RIPOR3: variants seen among roughly 807,000 people sequenced by gnomAD.
RIPOR3 encodes family with sequence similarity 65 member C.
RIPOR3 carries 95 observed loss-of-function variants against 114.3 expected under a neutral mutation model. That is an observed-to-expected ratio of 0.83 (90% CI 0.70 to 0.99). RIPOR3 has a LOEUF of 0.99. Among genes scored for constraint, RIPOR3 ranks in the 50% least tolerant of loss-of-function variants. The pLI is 0.00. For missense variants in RIPOR3, 1,252 were observed against 1,266.9 expected (o/e 0.99, Z 0.18); for synonymous variants, 575 against 543.8 (o/e 1.06, Z -0.80).
At chr20:50,654,174 CT>C (rs1026195745) in intron 1 of RIPOR3, among the ~76,000 whole-genome samples, 4 of 150,632 alleles carry the variant, frequency 2.7e-5, no homozygotes, top group Admixed American at 6.6e-5. Context: ...TTTTTCTTTC[CT>C]TTTTTTTTGA....
chr20:50,606,727 CTTTT>C (rs55820806), intron 11 of RIPOR3, among the ~76,000 whole-genome samples: 1 of 147,464 alleles, frequency 6.8e-6, no homozygotes, highest in Admixed American at 6.7e-5. Context: ...GCTTTCTTGC[CTTTT>C]TTTTTTTTCT....
chr20:50,608,315 A>G, intron 11 of RIPOR3, 74 bp downstream of exon 11: 1 of 1,593,388 alleles, frequency 6.3e-7, no homozygotes, highest in South Asian at 1.1e-5. Flanking sequence ...GCAGGAACCC[A>G]GGGCCAGAGT....
intron 4 of RIPOR3, 96 bp from the exon 5 acceptor site, chr20:50,611,300 A>G: frequency 6.5e-7 from 1 of 1,539,492 alleles, no homozygotes. Context: ...CTGAGCTCAG[A>G]GTCAGAGGAC....
chr20:50,651,495 A>C (rs1355681947), intron 1 of RIPOR3, among the ~76,000 whole-genome samples: 1 of 152,152 alleles, frequency 6.6e-6, no homozygotes, highest in East Asian at 1.9e-4. Flanking sequence ...TCTGTCAAGG[A>C]AGCCTGAGAA....
At chr20:50,682,210 T>C (rs1447192251) in intron 1 of RIPOR3, among the ~76,000 whole-genome samples, 2 of 151,910 alleles carry the variant, frequency 1.3e-5, no homozygotes, top group African/African-American at 4.8e-5. Flanking sequence ...ACAGGAAAAA[T>C]AAATGCTGGT....
chr20:50,595,373 T>G lies in RIPOR3; in HGVS notation c.2046A>C (p.Glu682Asp). Residue 682 changes from glutamate to aspartate, a missense_variant, in exon 16 of 22, where the codon GAA becomes GAC. Transcript: ENST00000327979. ...FEKVGKATSI[E>D]EIIPQASRTK... The stretch of plus-strand genomic sequence containing the variant: ...GGGTGGCAGGCAGCTACTTACTCTC[T>G]TCAATGGATGTTGCCTTGCCGACCT... 6.2e-7 allele frequency: 1 copy of G among 1,613,888 alleles called. No individual in the cohort carries two copies. The highest frequency in any genetic ancestry group is 8.5e-7 in the Non-Finnish European group (1 of 1,179,872).
At chr20:50,653,491 A>G (rs1412717077) in intron 1 of RIPOR3, among the ~76,000 whole-genome samples, 1 of 151,078 alleles carries the variant, frequency 6.6e-6, no homozygotes, top group East Asian at 1.9e-4. Context: ...GCTGGAGTGC[A>G]GTGGCACAAT....
At chr20:50,629,445 G>T (rs1260702671) in intron 2 of RIPOR3, among the ~76,000 whole-genome samples, 2 of 152,184 alleles carry the variant, frequency 1.3e-5, no homozygotes, top group Non-Finnish European at 1.5e-5. Context: ...AGGCCCTGGA[G>T]CGAGGGGGCA....
chr20:50,641,968 C>T (rs2085214317), intron 1 of RIPOR3, among the ~76,000 whole-genome samples: 1 of 152,116 alleles, frequency 6.6e-6, no homozygotes, highest in African/African-American at 2.4e-5. Context: ...CCCTGCAGAG[C>T]CCTTGGATGT....
Position 50,587,029 on chromosome 20 carries a change from T to G in RIPOR3, c.*203A>C, listed in dbSNP as rs2082942114. ...CGTGCAGCCCCTGGAATGCTGTACC[T>G]TTGCCTTGCTTTTTTCTGCCTCTGT... On this transcript the variant is annotated 3_prime_UTR_variant, in exon 22 of 22. Transcript: ENST00000327979. The G allele has an allele frequency of 1.7e-6, 1 of 574,608 alleles. No homozygotes were observed. Among genetic ancestry groups the G allele is most frequent in the African/African-American group, 1.9e-5 (1 of 53,362 alleles). The allele number at this position is 574,608 out of a possible 1,614,324, so 35.6% of individuals were successfully genotyped here.
Position 50,589,760 on chromosome 20 carries a change from A to G in RIPOR3, c.2587T>C (p.Phe863Leu), listed in dbSNP as rs374324537. 1 of 1,613,292 alleles carries G rather than the reference A, an allele frequency of 6.2e-7. No individual in the cohort carries two copies. Among genetic ancestry groups the G allele is most frequent in the East Asian group, 2.2e-5 (1 of 44,846 alleles). ...TTCTCTGCCAGGGCGTTGGTGTAGA[A>G]CAGCAAAGCCTGGGGAGAGTAAGGA... ...NRSFREKALL[F>L]YTNALAENDA... The change falls in exon 20 of 22, where the codon TTC becomes CTC. Residue 863 changes from phenylalanine to leucine, a missense_variant. Coordinates refer to ENST00000327979, the MANE Select transcript of RIPOR3 (RefSeq NM_001290268.2).
intron 1 of RIPOR3, among the ~76,000 whole-genome samples, chr20:50,672,070 A>T (rs532993063): frequency 2.2e-4 from 33 of 152,252 alleles, no homozygotes; most frequent in African/African-American, 7.7e-4. Flanking sequence ...GGATGGGTGG[A>T]TAGATGGAAC....
In RIPOR3 at chr20:50,656,005, T is replaced by C. The variant is rs141374236; in HGVS notation, c.4-25149A>G. ...TGACTGCAGAATTGTTTCCTTTTTT[T>C]TTCTTTTTTTCTTTTTTTTTGAGAC... is the stretch of plus-strand genomic sequence containing the variant. On this transcript the variant is annotated intron_variant, in intron 1 of 21. Transcript: ENST00000327979. Among the ~76,000 whole-genome samples, 689 of 152,220 alleles carry C rather than the reference T, an allele frequency of 4.5e-3. 5 individuals are homozygous for C. The highest frequency in any genetic ancestry group is 0.016 in the African/African-American group (662 of 41,540).
chr20:50,619,201 G>A (rs577101280), intron 3 of RIPOR3, among the ~76,000 whole-genome samples: 4 of 152,126 alleles, frequency 2.6e-5, no homozygotes, highest in African/African-American at 9.6e-5. Context: ...GAACCCAGGA[G>A]GCGGAGGTTG....
At chr20:50,633,624 G>A (rs556543169) in intron 1 of RIPOR3, among the ~76,000 whole-genome samples, 15 of 152,276 alleles carry the variant, frequency 9.9e-5, no homozygotes, top group Admixed American at 4.6e-4. Flanking sequence ...GGGCTTCCCC[G>A]GCCCCTCCCT....
chr20:50,686,984 A>G (rs953360567), intron 1 of RIPOR3, among the ~76,000 whole-genome samples: 1 of 152,168 alleles, frequency 6.6e-6, no homozygotes, highest in African/African-American at 2.4e-5. Context: ...CCTGGCTCCT[A>G]GAGTTTCTAA....
chr20:50,661,784 CAG>C (rs2123460228), intron 1 of RIPOR3, among the ~76,000 whole-genome samples: 1 of 152,280 alleles, frequency 6.6e-6, no homozygotes, highest in Admixed American at 6.5e-5. Flanking sequence ...TGGCCTGGGG[CAG>C]AGATATGTTT....
At chr20:50,611,358 C>T (rs41303813) in intron 4 of RIPOR3, among the ~76,000 whole-genome samples, 154 bp from the exon 5 acceptor site, 11,972 of 152,236 alleles carry the variant, frequency 0.079, 1,407 homozygotes, top group African/African-American at 0.26. Context: ...CCTCTGCCAA[C>T]GGCAGACTGC....
At chr20:50,640,547 A>T in intron 1 of RIPOR3, among the ~76,000 whole-genome samples, 1 of 149,570 alleles carries the variant, frequency 6.7e-6, no homozygotes, top group Non-Finnish European at 1.5e-5. Context: ...GGTGGGCTGA[A>T]CTCCAAAGCA....
Sources: gnomAD v4.1 joint callset for allele counts (sites outside exome capture counted in the v4.1 genomes callset) on GRCh38, gnomAD v4.1.1 for gene constraint, MANE v1.5 for transcripts, NCBI Gene and HGNC (gene_info 2026-07-23, HGNC 2026-07-21) for gene names.